The following PPP6R3 variants were observed in gnomAD, a reference collection of about 807,000 sequenced individuals.
The protein encoded by PPP6R3 is serine/threonine-protein phosphatase 6 regulatory subunit 3.
Under a neutral mutation model 110.7 loss-of-function variants are expected in PPP6R3, and 38 were observed. The ratio of observed to expected loss-of-function variants is 0.34; its 90% confidence interval spans 0.26 to 0.45. The LOEUF is 0.45. Ranked by LOEUF, PPP6R3 falls within the 20% of genes least tolerant of loss-of-function variation. PPP6R3 has a pLI of 1.00. For missense variants in PPP6R3, 870 were observed against 1,062.4 expected, an observed-to-expected ratio of 0.82 and a Z score of 2.52; for synonymous variants, 369 against 373.5, an observed-to-expected ratio of 0.99 and a Z score of 0.14.
At chr11:68,603,887 C>A (rs940551283) in intron 22 of PPP6R3, among the ~76,000 whole-genome samples, 8 of 152,152 alleles carry the variant, frequency 5.3e-5, no homozygotes, top group Non-Finnish European at 1.2e-4. Flanking sequence ...TATCTCAGGA[C>A]ATAATGCAGT....
intron 11 of PPP6R3, 145 bp from the exon 12 acceptor site, chr11:68,570,895 T>C (rs994318949): frequency 3.2e-5 from 32 of 989,222 alleles, no homozygotes; most frequent in Admixed American, 6.4e-5. Context: ...CTGCAGTAGA[T>C]TGATGATCAC....
chr11:68,534,598 G>A (rs2099259420), intron 2 of PPP6R3, among the ~76,000 whole-genome samples: 1 of 150,724 alleles, frequency 6.6e-6, no homozygotes, highest in Non-Finnish European at 1.5e-5. Context: ...ATTTTATCTA[G>A]GTTTTAGGCA....
intron 22 of PPP6R3, among the ~76,000 whole-genome samples, chr11:68,608,915 T>C (rs1214291873): frequency 1.3e-5 from 2 of 152,184 alleles, no homozygotes; most frequent in Non-Finnish European, 2.9e-5. Flanking sequence ...AGGAACCAGG[T>C]AATTCAGATG....
At chr11:68,569,928 C>G in intron 11 of PPP6R3, 31 bp downstream of exon 11, 4 of 1,584,484 alleles carry the variant, frequency 2.5e-6, no homozygotes, top group Non-Finnish European at 3.5e-6. Flanking sequence ...TTTTCTCCCA[C>G]TCTCTCCTGG....
intron 12 of PPP6R3, among the ~76,000 whole-genome samples, chr11:68,571,987 G>C (rs972798873): frequency 6.6e-6 from 1 of 152,050 alleles, no homozygotes; most frequent in Non-Finnish European, 1.5e-5. Flanking sequence ...TGACTCTTGG[G>C]AGTCAGCCTT....
intron 3 of PPP6R3, among the ~76,000 whole-genome samples, chr11:68,542,400 T>TTTTTTTTTTTTTTG (rs1173863254): frequency 3.2e-5 from 2 of 63,348 alleles, no homozygotes; most frequent in Non-Finnish European, 6.6e-5. Flanking sequence ...TTTTTTTTTT[T>TTTTTTTTTTTTTTG]TTTTTTTTTT....
At chr11:68,609,720 T>C (rs1942370097) in intron 22 of PPP6R3, 184 bp from the exon 23 acceptor site, 8 of 1,566,138 alleles carry the variant, frequency 5.1e-6, no homozygotes, top group Non-Finnish European at 7.0e-6. Context: ...GACCCTTTCC[T>C]TTTGTGATTC....
Position 68,509,133 on chromosome 11 carries a change from T to TATTATGATGTATTTCTCAC in PPP6R3, c.-157-10368_-157-10367insATTATGATGTATTTCTCAC, listed in dbSNP as rs1297616996. Among the ~76,000 whole-genome samples, 67 of 152,376 alleles carry TATTATGATGTATTTCTCAC rather than the reference T, an allele frequency of 4.4e-4. 1 individual carries two copies. Among genetic ancestry groups the TATTATGATGTATTTCTCAC allele is most frequent in the Non-Finnish European group, 4.0e-4 (27 of 68,036 alleles). ...CTAACCGTGTCCTTTTCTCACCCTG[T>TATTATGATGTATTTCTCAC]CCTTTGATTATGATGTAAATAGAAA... On this transcript the variant is annotated intron_variant, in intron 1 of 23. Transcript: ENST00000393800.
intron 14 of PPP6R3, among the ~76,000 whole-genome samples, chr11:68,579,915 A>G (rs1016243600): frequency 1.1e-4 from 16 of 152,210 alleles, no homozygotes; most frequent in South Asian, 4.1e-4. Flanking sequence ...TGTGAACTCT[A>G]TGATGTTCGC....
intron 1 of PPP6R3, among the ~76,000 whole-genome samples, chr11:68,491,757 A>G (rs532162316): frequency 2.0e-5 from 3 of 152,146 alleles, no homozygotes; most frequent in South Asian, 4.2e-4. Context: ...ATCTTCCCAT[A>G]CTGAAACACA....
intron 2 of PPP6R3, among the ~76,000 whole-genome samples, chr11:68,533,258 A>G (rs1447443724): frequency 6.6e-6 from 1 of 152,218 alleles, no homozygotes; most frequent in Admixed American, 6.5e-5. Flanking sequence ...CTGTTTGGCT[A>G]AAAGGTAAAA....
intron 10 of PPP6R3, among the ~76,000 whole-genome samples, chr11:68,567,865 G>A (rs1476800145): frequency 6.6e-6 from 1 of 152,178 alleles, no homozygotes; most frequent in Non-Finnish European, 1.5e-5. Flanking sequence ...TTCACTGTAT[G>A]ACAGGCATTG....
intron 3 of PPP6R3, among the ~76,000 whole-genome samples, chr11:68,542,515 T>C (rs1198046009): frequency 6.7e-6 from 1 of 150,124 alleles, no homozygotes; most frequent in African/African-American, 2.5e-5. Context: ...TGCCTCAGCC[T>C]CCTGAATAGC....
chr11:68,499,225 A>G (rs1455021898), intron 1 of PPP6R3, among the ~76,000 whole-genome samples: 3 of 152,176 alleles, frequency 2.0e-5, no homozygotes, highest in Non-Finnish European at 2.9e-5. Context: ...TCTGGGAGTC[A>G]GAAACTTGGG....
chr11:68,536,882 G>A (rs895650619), intron 2 of PPP6R3, among the ~76,000 whole-genome samples: 9 of 152,186 alleles, frequency 5.9e-5, no homozygotes, highest in African/African-American at 2.2e-4. Flanking sequence ...CCTGTCATGT[G>A]TCTCAAAAGT....
At position 68,558,556 on chromosome 11, in the gene PPP6R3, G is replaced by C; in HGVS notation, c.732-10G>C. Reference sequence around the variant, plus strand: ...TACTGCAGTTAGTGATTATTGATTTGTTTCCCTAGGCAAGAAATTATAGAG... The same window carrying C: ...TACTGCAGTTAGTGATTATTGATTTCTTTCCCTAGGCAAGAAATTATAGAG... On this transcript the variant is annotated splice_polypyrimidine_tract_variant and intron_variant, in intron 7 of 23. Coordinates refer to ENST00000393800, the MANE Select transcript of PPP6R3 (RefSeq NM_001164161.2). The C allele has an allele frequency of 6.4e-7, 1 of 1,568,272 alleles. No individual in the cohort carries two copies. The highest frequency in any genetic ancestry group is 8.7e-7 in the Non-Finnish European group (1 of 1,143,782).
chr11:68,491,741 G>A (rs1196899556), intron 1 of PPP6R3, among the ~76,000 whole-genome samples: 1 of 151,946 alleles, frequency 6.6e-6, no homozygotes, highest in Non-Finnish European at 1.5e-5. Flanking sequence ...CTCCTGAATG[G>A]TTTTCATCTT....
At chr11:68,603,817 G>A (rs2099639065) in intron 22 of PPP6R3, among the ~76,000 whole-genome samples, 1 of 152,102 alleles carries the variant, frequency 6.6e-6, no homozygotes, top group Non-Finnish European at 1.5e-5. Context: ...CATGAAAACC[G>A]GTTTCAGGTC....
At chr11:68,536,325 G>C (rs1487652175) in intron 2 of PPP6R3, among the ~76,000 whole-genome samples, 2 of 151,722 alleles carry the variant, frequency 1.3e-5, no homozygotes, top group Non-Finnish European at 2.9e-5. Flanking sequence ...TCCTCACCCT[G>C]TTGCCCTGCT....
Sources: gnomAD v4.1 joint callset for allele counts (sites outside exome capture counted in the v4.1 genomes callset) on GRCh38, gnomAD v4.1.1 for gene constraint, MANE v1.5 for transcripts, NCBI Gene and HGNC (gene_info 2026-07-23, HGNC 2026-07-21) for gene names.